The following TANC2 variants were observed in gnomAD, a reference collection of about 807,000 sequenced individuals.
TANC2 encodes protein TANC2.
Under a neutral mutation model 210.5 loss-of-function variants are expected in TANC2, and 26 were observed. The ratio of observed to expected loss-of-function variants is 0.12; its 90% CI spans 0.09 to 0.17. The LOEUF is 0.17. Ranked by LOEUF, TANC2 falls within the 10% of genes least tolerant of loss-of-function variation. The pLI is 1.00. For synonymous variants in TANC2, 931 were observed against 967.1 expected (o/e 0.96, Z 0.69); for missense variants, 2,129 against 2,608.9 (o/e 0.82, Z 4.01).
At chr17:63,329,102 A>C (rs770765050) in intron 11 of TANC2, among the ~76,000 whole-genome samples, 1 of 152,194 alleles carries the variant, frequency 6.6e-6, no homozygotes, top group African/African-American at 2.4e-5. Flanking sequence ...AAAAATTTAC[A>C]CAGTGCCACT....
chr17:63,323,167 AT>A (rs1393982376), intron 11 of TANC2, among the ~76,000 whole-genome samples: 1 of 152,240 alleles, frequency 6.6e-6, no homozygotes, highest in Non-Finnish European at 1.5e-5. Context: ...GGATTTTCAA[AT>A]TAGTTAATGT....
chr17:63,077,377 T>C (rs1189196377), intron 3 of TANC2, among the ~76,000 whole-genome samples: 2 of 152,066 alleles, frequency 1.3e-5, no homozygotes, highest in Non-Finnish European at 2.9e-5. Flanking sequence ...ATCCATCAAA[T>C]GAAAAAGTCA....
At position 63,095,302 on chromosome 17, in the gene TANC2, A is replaced by G. The variant is rs1211228492; in HGVS notation, c.140-3873A>G. Among the ~76,000 whole-genome samples the G allele has an allele frequency of 2.0e-5, 3 of 151,984 alleles. No individual in the cohort carries two copies. The East Asian group carries it at 5.8e-4, about 29-fold the overall frequency. The stretch of plus-strand genomic sequence containing the variant: ...TTGATCCTCCTACTTCAGCCTTCCG[A>G]GTAGCTGGGACGACAGGTACGCCAC... On this transcript the variant is annotated intron_variant, in intron 3 of 27. Coordinates refer to ENST00000689528, the Ensembl canonical transcript of TANC2.
intron 2 of TANC2, among the ~76,000 whole-genome samples, chr17:63,017,040 C>A (rs2034139518): frequency 1.3e-5 from 2 of 152,106 alleles, no homozygotes; most frequent in Non-Finnish European, 2.9e-5. Flanking sequence ...CCTATGTTTT[C>A]TTCTAAGAGT....
At chr17:63,277,275 C>T in intron 9 of TANC2, among the ~76,000 whole-genome samples, 1 of 146,774 alleles carries the variant, frequency 6.8e-6, no homozygotes, top group African/African-American at 2.5e-5. Context: ...TTTCCATCTT[C>T]TTCTTTTTTT....
At chr17:63,426,174 C>T (rs1366640269) in exon 28 of TANC2, 1 of 152,318 alleles carries the variant, frequency 6.6e-6, no homozygotes, top group African/African-American at 2.4e-5. Context: ...GCCTCCACAC[C>T]GAGGGCTGTG....
intron 1 of TANC2, among the ~76,000 whole-genome samples, chr17:63,003,872 T>C (rs1453310014): frequency 6.6e-6 from 1 of 152,230 alleles, no homozygotes; most frequent in Non-Finnish European, 1.5e-5. Flanking sequence ...CTGTAAATAG[T>C]GAGACAGTCT....
chr17:62,981,715 A>G (rs796679786), intron 1 of TANC2, among the ~76,000 whole-genome samples: 7 of 152,298 alleles, frequency 4.6e-5, no homozygotes, highest in African/African-American at 1.7e-4. Context: ...GGGGGATTTC[A>G]GAGGCACCCT....
chr17:63,007,570 C>T (rs2033676227), intron 1 of TANC2, among the ~76,000 whole-genome samples: 1 of 152,010 alleles, frequency 6.6e-6, no homozygotes, highest in African/African-American at 2.4e-5. Flanking sequence ...AATGTTTTTA[C>T]TTATTCTTTT....
At chr17:63,262,270 C>T (rs2043383882) in intron 8 of TANC2, among the ~76,000 whole-genome samples, 1 of 152,210 alleles carries the variant, frequency 6.6e-6, no homozygotes, top group Non-Finnish European at 1.5e-5. Context: ...GCCTCAAACT[C>T]CTGGGCTCAA....
In TANC2 at chr17:63,086,115, G is replaced by A. The variant is rs976725303; in HGVS notation, c.139+12101G>A. Among the ~76,000 whole-genome samples the A allele has an allele frequency of 9.3e-5, 14 of 151,242 alleles. 1 individual carries two copies. The East Asian group carries it at 2.7e-3, about 29-fold the overall frequency. On this transcript the variant is annotated intron_variant, in intron 3 of 27. Coordinates refer to ENST00000689528, the Ensembl canonical transcript of TANC2. ...CAGGTATATTAATAATTTTTTCTTT[G>A]CTTTCCTGTAGGTAAGGTTTTTTTC...
intron 5 of TANC2, among the ~76,000 whole-genome samples, chr17:63,184,961 T>G (rs1212276335): frequency 6.6e-6 from 1 of 151,520 alleles, no homozygotes; most frequent in Non-Finnish European, 1.5e-5. Flanking sequence ...TATCTTCTTT[T>G]GTTCAGTAAT....
chr17:63,209,748 A>G (rs575177163), intron 7 of TANC2, among the ~76,000 whole-genome samples: 144 of 152,304 alleles, frequency 9.5e-4, no homozygotes, highest in Non-Finnish European at 1.6e-3. Context: ...GAATGCTTTC[A>G]GTATTTCGCT....
chr17:63,006,992 G>A (rs1180585720), intron 1 of TANC2, among the ~76,000 whole-genome samples: 1 of 152,104 alleles, frequency 6.6e-6, no homozygotes, highest in African/African-American at 2.4e-5. Flanking sequence ...TTGGGAGGCC[G>A]AGGTGGGAGG....
exon 17 of TANC2, chr17:63,389,518 G>C: frequency 6.2e-7 from 1 of 1,610,628 alleles, no homozygotes; most frequent in Non-Finnish European, 8.5e-7. Context: ...GAGCATTGTG[G>C]TGCTGCTGTG....
intron 14 of TANC2, among the ~76,000 whole-genome samples, chr17:63,376,954 A>C (rs2047445155): frequency 1.3e-5 from 2 of 151,942 alleles, no homozygotes; most frequent in African/African-American, 2.4e-5. Flanking sequence ...AGTAGCTGGG[A>C]CTACAGGTGC....
At chr17:63,111,825 A>T (rs1352943832) in intron 4 of TANC2, among the ~76,000 whole-genome samples, 9 of 152,158 alleles carry the variant, frequency 5.9e-5, no homozygotes, top group Admixed American at 5.9e-4. Flanking sequence ...TCCCAGGTTC[A>T]AGTGATTCTC....
At chr17:63,055,046 A>G (rs905552927) in intron 2 of TANC2, among the ~76,000 whole-genome samples, 9 of 152,186 alleles carry the variant, frequency 5.9e-5, no homozygotes, top group Non-Finnish European at 1.2e-4. Flanking sequence ...TTATTTTTCA[A>G]CCGTCATGTT....
intron 9 of TANC2, among the ~76,000 whole-genome samples, chr17:63,289,387 T>C (rs1284219485): frequency 6.6e-6 from 1 of 152,220 alleles, no homozygotes; most frequent in African/African-American, 2.4e-5. Flanking sequence ...TCTCTTCGTT[T>C]TTCAGTTTTG....
Sources: gnomAD v4.1 joint callset for allele counts (sites outside exome capture counted in the v4.1 genomes callset) on GRCh38, gnomAD v4.1.1 for gene constraint, MANE v1.5 for transcripts, NCBI Gene and HGNC (gene_info 2026-07-23, HGNC 2026-07-21) for gene names.